CUL9: variants seen among roughly 807,000 people sequenced by gnomAD.
CUL9 encodes the protein cullin-9.
Under a neutral mutation model 272.6 loss-of-function variants are expected in CUL9, and 79 were observed. That is an observed-to-expected ratio of 0.29 (90% CI 0.24 to 0.35). CUL9 has a LOEUF of 0.35. CUL9 is among the 10% of genes least tolerant of loss of function. CUL9 has a pLI of 1.00. For missense variants in CUL9, 2,532 were observed against 3,255.6 expected (o/e 0.78, Z 5.41); for synonymous variants, 1,186 against 1,286.5 (o/e 0.92, Z 1.67).
At position 43,220,796 on chromosome 6, in the gene CUL9, C is replaced by A; in HGVS notation, c.6473C>A (p.Thr2158Asn). 6.2e-7 allele frequency: 1 copy of A among 1,613,476 alleles called. No individual in the cohort carries two copies. The highest frequency in any genetic ancestry group is 8.5e-7 in the Non-Finnish European group (1 of 1,179,992). ...TATGTGGAGAGCTGCTCCAACCTGACCTGGTGCACCAACCCCCAGGGCTGC... is the reference window on the plus strand; with the variant it reads ...TATGTGGAGAGCTGCTCCAACCTGAACTGGTGCACCAACCCCCAGGGCTGC... ...RGYVESCSNL[T>N]WCTNPQGCDR... is the part of the protein sequence containing the mutation. The change falls in exon 33 of 41, where the codon ACC becomes AAC. Residue 2158 changes from threonine to asparagine, a missense_variant. Transcript: ENST00000252050. The surrounding 1 kb of genome is among the most constrained non-coding windows in gnomAD (Gnocchi z 4.9).
intron 36 of CUL9, 61 bp from the exon 37 acceptor site, chr6:43,222,470 C>T: frequency 6.2e-7 from 1 of 1,602,346 alleles, no homozygotes; most frequent in Non-Finnish European, 8.6e-7. Context: ...GGCTGAAGGT[C>T]TGACCGGGCA....
chr6:43,187,877 GTC>G lies in CUL9; in HGVS notation c.1748_1749del (p.Ser583TyrfsTer27). On this transcript the variant is annotated frameshift_variant, in exon 7 of 41. Coordinates refer to ENST00000252050, the MANE Select transcript of CUL9 (RefSeq NM_015089.4). LOFTEE classifies it high-confidence loss of function. ...GLLSNEPSSS[S>X]TSRNHSCTPD... ...TGCTGTCTAATGAACCAAGCAGCTC[GTC>G]TACTTCACGAAATCACTCCTGTACC... 1 of 1,614,032 alleles carries G rather than the reference GTC, an allele frequency of 6.2e-7. No homozygotes were observed. The highest frequency in any genetic ancestry group is 8.5e-7 in the Non-Finnish European group (1 of 1,180,010).
chr6:43,184,738 T>G lies in CUL9; in HGVS notation c.428T>G (p.Leu143Arg), dbSNP rs749383538. 1 of 1,614,210 alleles carries G rather than the reference T, an allele frequency of 6.2e-7. No homozygotes were observed. Among genetic ancestry groups the G allele is most frequent in the Non-Finnish European group, 8.5e-7 (1 of 1,180,044 alleles). ...SGTPSLTAAV[L>R]HTIHVLSAYA... is the part of the protein sequence containing the mutation. ...ACCCCAAGCCTCACGGCCGCTGTGC[T>G]TCACACCATCCACGTGCTCAGTGCC... Residue 143 changes from leucine (L) to arginine (R), a missense_variant, in exon 2 of 41, where the codon CTT (leucine) becomes CGT (arginine). Coordinates refer to ENST00000252050, the MANE Select transcript of CUL9 (RefSeq NM_015089.4). The surrounding 1 kb of genome is among the most constrained non-coding windows in gnomAD (Gnocchi z 4.8).
chr6:43,184,067 A>G lies in CUL9; in HGVS notation c.-9-235A>G, dbSNP rs992141679. Among the ~76,000 whole-genome samples, 20 of 151,966 alleles carry G rather than the reference A, an allele frequency of 1.3e-4. No homozygotes were observed. Among genetic ancestry groups the G allele is most frequent in the African/African-American group, 4.8e-4 (20 of 41,366 alleles). ...GGCGCAGCCAACTCTTCCATTTCTT[A>G]AACCCCTTCTTCATCCCCTCTCTGT... is the stretch of plus-strand genomic sequence containing the variant. On this transcript the variant is annotated intron_variant, in intron 1 of 40. Coordinates refer to ENST00000252050, the MANE Select transcript of CUL9 (RefSeq NM_015089.4). This position sits in a 1 kb window ranked among gnomAD's most constrained non-coding sequence, Gnocchi z 4.8.
At position 43,184,534 on chromosome 6, in the gene CUL9, A is replaced by G. The variant is rs776902483; in HGVS notation, c.224A>G (p.Asn75Ser). Reference sequence around the variant, plus strand: ...CTGTCGGCTCCTGAGGTCTACGCCAACTGCCCTGGGCTGTTAGGTGAGCGG... The same window carrying G: ...CTGTCGGCTCCTGAGGTCTACGCCAGCTGCCCTGGGCTGTTAGGTGAGCGG... The part of the protein sequence containing the change: ...MWLSAPEVYA[N>S]CPGLLGERAL... The change falls in exon 2 of 41, where the codon AAC becomes AGC. Residue 75 changes from asparagine (N) to serine (S), a missense_variant. This residue lies in a region of CUL9 where 2,218 missense variants were observed against 2,788.6 expected (regional missense o/e 0.80). Transcript: ENST00000252050. The surrounding 1 kb of genome is among the most constrained non-coding windows in gnomAD (Gnocchi z 4.8). 1.2e-6 allele frequency: 2 copies of G among 1,612,632 alleles called. No individual in the cohort carries two copies. Among genetic ancestry groups the G allele is most frequent in the East Asian group, 2.2e-5 (1 of 44,848 alleles).
chr6:43,213,746 G>T lies in CUL9; in HGVS notation c.5522G>T (p.Arg1841Leu). 6.2e-7 allele frequency: 1 copy of T among 1,613,800 alleles called. No homozygotes were observed. Among genetic ancestry groups the T allele is most frequent in the Non-Finnish European group, 8.5e-7 (1 of 1,180,018 alleles). ...VLRLHEPGPQ[R>L]SGEALWLIPP... The stretch of plus-strand genomic sequence containing the variant: ...CGGCTTCATGAGCCTGGGCCCCAGC[G>T]CAGTGGGGAGGCCCTGTGGCTGATA... Residue 1841 changes from arginine to leucine, a missense_variant, in exon 29 of 41, where the codon CGC becomes CTC. By Grantham distance (102) the Arg-to-Leu change is moderately radical (BLOSUM62 -2). Around this residue, in one of 3 missense-constraint regions of CUL9, gnomAD observed 2,218 missense variants for 2,788.6 expected, o/e 0.80. Transcript: ENST00000252050. The surrounding 1 kb of genome is among the most constrained non-coding windows in gnomAD (Gnocchi z 5.7).
Position 43,223,942 on chromosome 6 carries a change from A to C in CUL9, c.7285-153A>C. ...ATCCCTGGAGACCATCTGTGGGTGA[A>C]CTCACAAAGGCAGTGTTTCATGAAG... On this transcript the variant is annotated intron_variant, in intron 39 of 40. Transcript: ENST00000252050. This position sits in a 1 kb window ranked among gnomAD's most constrained non-coding sequence, Gnocchi z 4.1. The C allele has an allele frequency of 1.4e-6, 1 of 740,320 alleles. No individual in the cohort carries two copies. Among genetic ancestry groups the C allele is most frequent in the Non-Finnish European group, 2.4e-6 (1 of 418,708 alleles). 45.9% of individuals were successfully genotyped at this position (740,320 alleles called of 1,614,324 possible).
In CUL9 at chr6:43,203,389, G is replaced by A. The variant is rs377299476; in HGVS notation, c.3850-28G>A. ...GTACTTAGTGGCTCAAGCGGCTTGG[G>A]TGACAGATAAGTCTGTGCATGTTCC... On this transcript the variant is annotated intron_variant, in intron 18 of 40. Transcript: ENST00000252050. The surrounding 1 kb of genome is among the most constrained non-coding windows in gnomAD (Gnocchi z 5.0). 3.1e-6 allele frequency: 5 copies of A among 1,612,088 alleles called. No homozygotes were observed. Among genetic ancestry groups the A allele is most frequent in the African/African-American group, 2.7e-5 (2 of 74,866 alleles).
At position 43,203,822 on chromosome 6, in the gene CUL9, TTA is replaced by T; in HGVS notation, c.4026-31_4026-30del. 6.3e-7 allele frequency: 1 copy of T among 1,575,076 alleles called. No homozygotes were observed. Among genetic ancestry groups the T allele is most frequent in the Non-Finnish European group, 8.7e-7 (1 of 1,155,760 alleles). Reference sequence around the variant, plus strand: ...GGAGGCCTCTGGGAAATCGGTGCCATTAATCCTCCGCCATGCACTGTTTGTTC... The same window carrying T: ...GGAGGCCTCTGGGAAATCGGTGCCATATCCTCCGCCATGCACTGTTTGTTC... On this transcript the variant is annotated intron_variant, in intron 19 of 40. Coordinates refer to ENST00000252050, the MANE Select transcript of CUL9 (RefSeq NM_015089.4). The surrounding 1 kb of genome is among the most constrained non-coding windows in gnomAD (Gnocchi z 5.0).
chr6:43,220,356 G>A lies in CUL9; in HGVS notation c.6283-103G>A. The A allele has an allele frequency of 7.4e-7, 1 of 1,346,428 alleles. No individual in the cohort carries two copies. Among genetic ancestry groups the A allele is most frequent in the South Asian group, 1.3e-5 (1 of 75,856 alleles). 83.4% of individuals were successfully genotyped at this position (1,346,428 alleles called of 1,614,324 possible). A position where few individuals can be genotyped will look rare whatever the true frequency, so the allele number is the denominator to read the frequency against. On this transcript the variant is annotated intron_variant, in intron 31 of 40. Coordinates refer to ENST00000252050, the MANE Select transcript of CUL9 (RefSeq NM_015089.4). This position sits in a 1 kb window ranked among gnomAD's most constrained non-coding sequence, Gnocchi z 4.9. The stretch of plus-strand genomic sequence containing the variant: ...CTTGTTTCTGGCCTTCCACGTTGTA[G>A]TGGAGGGGAAGGGAAGGAGGGACGC...
chr6:43,203,498 T>C lies in CUL9; in HGVS notation c.3931T>C (p.Cys1311Arg). Residue 1311 changes from cysteine to arginine, a missense_variant, in exon 19 of 41, where the codon TGT (cysteine) becomes CGT (arginine). Coordinates refer to ENST00000252050, the MANE Select transcript of CUL9 (RefSeq NM_015089.4). This position sits in a 1 kb window ranked among gnomAD's most constrained non-coding sequence, Gnocchi z 5.0. ...TFWPLFREQLCRRTCLFYTIR... is the reference protein window; with the variant it reads ...TFWPLFREQLRRRTCLFYTIR... ...CTGGCCACTGTTCCGGGAGCAGCTG[T>C]GTCGCCGAACATGTCTCTTCTACAC... 1 of 1,614,168 alleles carries C rather than the reference T, an allele frequency of 6.2e-7. No individual in the cohort carries two copies. Among genetic ancestry groups the C allele is most frequent in the South Asian group, 1.1e-5 (1 of 91,088 alleles).
Position 43,187,831 on chromosome 6 carries a change from A to G in CUL9, c.1700A>G (p.Gln567Arg), listed in dbSNP as rs766306194. 2 of 1,613,948 alleles carry G rather than the reference A, an allele frequency of 1.2e-6. No homozygotes were observed. Among genetic ancestry groups the G allele is most frequent in the African/African-American group, 1.3e-5 (1 of 74,848 alleles). The change falls in exon 7 of 41, where the codon CAG becomes CGG. Residue 567 changes from glutamine to arginine, a missense_variant. Gln to Arg is a conservative substitution (Grantham distance 43). Transcript: ENST00000252050. ...ACTCTCAATGACCTGCTCAACTCCC[A>G]GATCTACACCAAGTATGGGCTGCTG... ...GSTLNDLLNS[Q>R]IYTKYGLLSN... is the part of the protein sequence containing the mutation.
chr6:43,223,407 G>A lies in CUL9; in HGVS notation c.7284+10G>A, dbSNP rs754490886. 68 of 1,583,998 alleles carry A rather than the reference G, an allele frequency of 4.3e-5. No individual in the cohort carries two copies. The highest frequency in any genetic ancestry group is 2.5e-4 in the Admixed American group (14 of 56,964). On this transcript the variant is annotated intron_variant, in intron 39 of 40. Transcript: ENST00000252050. The surrounding 1 kb of genome is among the most constrained non-coding windows in gnomAD (Gnocchi z 4.1). Reference sequence around the variant, plus strand: ...GCAGCATTCTGCCCAGGTACTGCCCGGCCCAGACCCCTTCTGCTCCTGCAT... The same window carrying A: ...GCAGCATTCTGCCCAGGTACTGCCCAGCCCAGACCCCTTCTGCTCCTGCAT...
In CUL9 at chr6:43,205,543, A is replaced by C. The variant is rs1774979395; in HGVS notation, c.4793+120A>C. 4 of 1,221,136 alleles carry C rather than the reference A, an allele frequency of 3.3e-6. No homozygotes were observed. In the African/African-American group the frequency reaches 4.5e-5, roughly 14 times the overall value. 75.6% of individuals were successfully genotyped at this position (1,221,136 alleles called of 1,614,324 possible). A position where few individuals can be genotyped will look rare whatever the true frequency, so the allele number is the denominator to read the frequency against. ...GTAGAGGAGAGATTAAGATGTGGAGATGGCTGGCCAGGCGCGGTGGCTCAC... is the reference window on the plus strand; with the variant it reads ...GTAGAGGAGAGATTAAGATGTGGAGCTGGCTGGCCAGGCGCGGTGGCTCAC... On this transcript the variant is annotated intron_variant, in intron 24 of 40. Transcript: ENST00000252050.
chr6:43,209,584 C>G (rs1582396141), intron 26 of CUL9, among the ~76,000 whole-genome samples: 1 of 152,264 alleles, frequency 6.6e-6, no homozygotes, highest in Middle Eastern at 3.4e-3. Context: ...AACAGTTCCC[C>G]ATCCTTTCTT....
Position 43,215,079 on chromosome 6 carries a change from G to T in CUL9, c.5689G>T (p.Val1897Leu). 2 of 1,600,436 alleles carry T rather than the reference G, an allele frequency of 1.2e-6. No homozygotes were observed. Among genetic ancestry groups the T allele is most frequent in the African/African-American group, 1.3e-5 (1 of 74,686 alleles). ...GLHIDQLVCLVLEAWQKGPNP... is the reference protein window; with the variant it reads ...GLHIDQLVCLLLEAWQKGPNP... ...TTCTTGTTTCTTTCCTCCTATCCAG[G>T]TGCTGGAGGCCTGGCAGAAGGGTCC... The change falls in exon 30 of 41, where the codon GTG becomes TTG. Residue 1897 changes from valine to leucine, a missense_variant and splice_region_variant. By Grantham distance (32) the Val-to-Leu change is conservative (BLOSUM62 1). Coordinates refer to ENST00000252050, the MANE Select transcript of CUL9 (RefSeq NM_015089.4).
In CUL9 at chr6:43,186,480, A is replaced by G. The variant is rs758858935; in HGVS notation, c.1251+25A>G. 4.5e-6 allele frequency: 7 copies of G among 1,564,170 alleles called. No individual in the cohort carries two copies. The East Asian group carries it at 1.6e-4, about 35-fold the overall frequency. ...GGTGGGCAGCACATGGTGGTGAGAC[A>G]CTGTTGGGAGTTTATTTGGGGTGGG... On this transcript the variant is annotated intron_variant, in intron 4 of 40. Coordinates refer to ENST00000252050, the MANE Select transcript of CUL9 (RefSeq NM_015089.4).
At chr6:43,191,268 G>T (rs1562019848) in intron 8 of CUL9, among the ~76,000 whole-genome samples, 1 of 147,844 alleles carries the variant, frequency 6.8e-6, no homozygotes, top group Non-Finnish European at 1.5e-5. Context: ...GTGTGTGTGT[G>T]TGTGTGTGTG....
In CUL9 at chr6:43,186,199, G is replaced by C. The variant is rs568642278; in HGVS notation, c.995G>C (p.Arg332Pro). The change falls in exon 4 of 41, where the codon CGG becomes CCG. Residue 332 changes from arginine (R) to proline (P), a missense_variant. Physicochemically the swap from Arg to Pro is moderately radical, Grantham distance 103. This residue lies in a region of CUL9 where 2,218 missense variants were observed against 2,788.6 expected (regional missense o/e 0.80). Coordinates refer to ENST00000252050, the MANE Select transcript of CUL9 (RefSeq NM_015089.4). Reference sequence around the variant, plus strand: ...AGCGAACAGGGCATGTCACCTCCCCGGCCAACCCGGTCCATCTTTCAGCCC... The same window carrying C: ...AGCGAACAGGGCATGTCACCTCCCCCGCCAACCCGGTCCATCTTTCAGCCC... Reference protein sequence around the residue: ...NLSEQGMSPPRPTRSIFQPYI... With the variant: ...NLSEQGMSPPPPTRSIFQPYI... 2 of 1,614,172 alleles carry C rather than the reference G, an allele frequency of 1.2e-6. No individual in the cohort carries two copies. The highest frequency in any genetic ancestry group is 1.7e-6 in the Non-Finnish European group (2 of 1,180,032).
Sources: allele counts gnomAD v4.1 joint callset (sites outside exome capture counted in the v4.1 genomes callset), GRCh38; gene constraint gnomAD v4.1.1; regional missense constraint gnomAD v4.1.1; non-coding constraint Gnocchi (gnomAD v3.1); transcripts MANE v1.5; gene names NCBI Gene and HGNC (gene_info 2026-07-23, HGNC 2026-07-21).